The following GPAM variants were observed in gnomAD, a reference collection of about 807,000 sequenced individuals.
GPAM encodes glycerol-3-phosphate acyltransferase, mitochondrial.
Under a neutral mutation model 105.0 loss-of-function variants are expected in GPAM, and 56 were observed. The ratio of observed to expected loss-of-function variants is 0.53; its 90% confidence interval spans 0.43 to 0.67. The LOEUF is 0.67. GPAM is among the 30% of genes least tolerant of loss of function. The pLI is 0.00. For missense variants in GPAM, 855 were observed against 989.8 expected (o/e 0.86, Z 1.83); for synonymous variants, 368 against 354.4 (o/e 1.04, Z -0.43).
chr10:112,209,160 T>C (rs116292370), intron 1 of GPAM, among the ~76,000 whole-genome samples: 2,472 of 152,268 alleles, frequency 0.016, 54 homozygotes, highest in African/African-American at 0.057. Context: ...GTCTCTTCCA[T>C]TGGGCTGTGA....
At chr10:112,193,625 C>T (rs1330184264) in intron 1 of GPAM, among the ~76,000 whole-genome samples, 2 of 152,198 alleles carry the variant, frequency 1.3e-5, no homozygotes, top group Admixed American at 6.5e-5. Flanking sequence ...GGCAGAAACA[C>T]ACTTTGAATT....
intron 12 of GPAM, among the ~76,000 whole-genome samples, chr10:112,165,140 C>G (rs1023626639): frequency 2.6e-5 from 4 of 152,338 alleles, no homozygotes; most frequent in African/African-American, 9.6e-5. Flanking sequence ...CAGCTGGAAT[C>G]TCTTAAAGTT....
chr10:112,153,817 G>T, intron 21 of GPAM, 151 bp from the exon 22 acceptor site: 1 of 761,010 alleles, frequency 1.3e-6, no homozygotes, highest in Non-Finnish European at 2.1e-6. Flanking sequence ...ATGCCTGGGT[G>T]TGTGTGAGCA....
chr10:112,206,602 A>T (rs1314341751), intron 1 of GPAM, among the ~76,000 whole-genome samples: 1 of 125,074 alleles, frequency 8.0e-6, no homozygotes, highest in African/African-American at 3.2e-5. Context: ...TCTCACTCAT[A>T]GGTGGGAATT....
At chr10:112,216,904 G>A (rs1847976520), upstream of GPAM, among the ~76,000 whole-genome samples, 1 of 151,376 alleles carries the variant, frequency 6.6e-6, no homozygotes, top group Non-Finnish European at 1.5e-5. Flanking sequence ...GATTACAGGT[G>A]TAAGCCACCA....
chr10:112,201,740 T>G (rs1463058815), intron 1 of GPAM, among the ~76,000 whole-genome samples: 1 of 152,236 alleles, frequency 6.6e-6, no homozygotes, highest in Admixed American at 6.5e-5. Context: ...CCTGTTGATT[T>G]TTTTTTCTTG....
At chr10:112,201,229 A>G (rs1847793215) in intron 1 of GPAM, among the ~76,000 whole-genome samples, 1 of 152,206 alleles carries the variant, frequency 6.6e-6, no homozygotes, top group Admixed American at 6.5e-5. Context: ...TGCCACTTTG[A>G]TCAGGACTCA....
chr10:112,172,133 A>G lies in GPAM; in HGVS notation c.794+49T>C, dbSNP rs762447251. ...GCTATAATTTAAAAAATTAAAATTCAAAACATAATCTTTTTAATTCCTTAA... is the reference window on the plus strand; with the variant it reads ...GCTATAATTTAAAAAATTAAAATTCGAAACATAATCTTTTTAATTCCTTAA... On this transcript the variant is annotated intron_variant, in intron 9 of 21. Coordinates refer to ENST00000348367, the MANE Select transcript of GPAM (RefSeq NM_001244949.2). 7 of 1,402,476 alleles carry G rather than the reference A, an allele frequency of 5.0e-6. No homozygotes were observed. In the East Asian group the frequency reaches 1.6e-4, roughly 32 times the overall value. 86.9% of individuals were successfully genotyped at this position (1,402,476 alleles called of 1,614,324 possible).
At chr10:112,196,721 A>G (rs1045190648) in intron 1 of GPAM, among the ~76,000 whole-genome samples, 1 of 152,218 alleles carries the variant, frequency 6.6e-6, no homozygotes, top group Non-Finnish European at 1.5e-5. Flanking sequence ...TGCAAGTGAG[A>G]TATTAGAGAA....
intron 16 of GPAM, chr10:112,160,266 C>T (rs1847098887): frequency 4.4e-6 from 2 of 456,330 alleles, no homozygotes; most frequent in East Asian, 3.1e-4. Context: ...GCCCCCTCTT[C>T]TCTCCTTCCT....
rs1277561131 is a variant in GPAM, at chr10:112,150,535, C to T, written c.*3015G>A. The T allele has an allele frequency of 1.0e-6, 1 of 985,564 alleles. No individual in the cohort carries two copies. The highest frequency in any genetic ancestry group is 1.2e-6 in the Non-Finnish European group (1 of 829,798). 61.1% of individuals were successfully genotyped at this position (985,564 alleles called of 1,614,324 possible). ...ATATTCTGCCCCAGTGCTATCTGTT[C>T]ATTACCGTTTTGTCTCCTTAAAGAA... On this transcript the variant is annotated 3_prime_UTR_variant, in exon 22 of 22. Coordinates refer to ENST00000348367, the MANE Select transcript of GPAM (RefSeq NM_001244949.2).
chr10:112,153,990 C>T, intron 21 of GPAM: 1 of 310,356 alleles, frequency 3.2e-6, no homozygotes, highest in South Asian at 3.2e-5. Context: ...TCACAAAAGG[C>T]CGCTAGTATC....
At chr10:112,193,967 G>C (rs905448004) in intron 1 of GPAM, among the ~76,000 whole-genome samples, 2 of 152,166 alleles carry the variant, frequency 1.3e-5, no homozygotes, top group Non-Finnish European at 2.9e-5. Flanking sequence ...CTTTGTTCTA[G>C]GGAGAGTGAC....
chr10:112,162,189 C>A (rs933000905), intron 14 of GPAM, among the ~76,000 whole-genome samples: 1 of 152,208 alleles, frequency 6.6e-6, no homozygotes, highest in East Asian at 1.9e-4. Flanking sequence ...AGAAGGATAA[C>A]AGCTGACTTG....
intron 19 of GPAM, 108 bp downstream of exon 19, chr10:112,157,141 G>GA: frequency 2.1e-6 from 2 of 967,284 alleles, no homozygotes; most frequent in Non-Finnish European, 3.4e-6. Flanking sequence ...AGAGCTAGTT[G>GA]GGGGATTCTT....
chr10:112,190,546 G>C (rs1460482188), intron 1 of GPAM, among the ~76,000 whole-genome samples: 1 of 150,386 alleles, frequency 6.6e-6, no homozygotes, highest in African/African-American at 2.4e-5. Context: ...GGCCAGAAGA[G>C]AAAGAAACCC....
At chr10:112,175,071 G>A (rs1847379485) in intron 6 of GPAM, among the ~76,000 whole-genome samples, 1 of 151,964 alleles carries the variant, frequency 6.6e-6, no homozygotes, top group Non-Finnish European at 1.5e-5. Context: ...CCATATTCTA[G>A]AATATTTATT....
intron 1 of GPAM, among the ~76,000 whole-genome samples, chr10:112,199,590 T>C (rs1375949853): frequency 6.6e-6 from 1 of 152,202 alleles, no homozygotes; most frequent in African/African-American, 2.4e-5. Context: ...GTTAATTAGC[T>C]CGATTTAATC....
upstream of GPAM, among the ~76,000 whole-genome samples, chr10:112,187,285 GA>G (rs1431040802): frequency 3.3e-5 from 5 of 151,528 alleles, no homozygotes; most frequent in Admixed American, 1.3e-4. Context: ...TGTCAGACTG[GA>G]AAAAAAATGA....
Sources: allele counts gnomAD v4.1 joint callset (sites outside exome capture counted in the v4.1 genomes callset), GRCh38; gene constraint gnomAD v4.1.1; transcripts MANE v1.5; gene names NCBI Gene and HGNC (gene_info 2026-07-23, HGNC 2026-07-21).